The following MCTP2 variants were observed in gnomAD, a reference collection of about 807,000 sequenced individuals.
The protein encoded by MCTP2 is multiple C2 and transmembrane domain-containing protein 2.
A neutral mutation model predicts 111.6 loss-of-function variants in MCTP2; 132 were observed. That is an observed-to-expected ratio of 1.18 (90% CI 1.03 to 1.37). MCTP2 has a LOEUF of 1.37. Among genes scored for constraint, MCTP2 ranks in the 40% most tolerant of loss-of-function variants. MCTP2 has a pLI of 0.00. For missense variants in MCTP2, 1,183 were observed against 1,067.9 expected (o/e 1.11, Z -1.50); for synonymous variants, 395 against 387.7 (o/e 1.02, Z -0.22).
intron 20 of MCTP2, among the ~76,000 whole-genome samples, chr15:94,466,712 G>A (rs940931433): frequency 2.0e-5 from 3 of 152,156 alleles, no homozygotes; most frequent in African/African-American, 4.8e-5. Flanking sequence ...GAAAATATTA[G>A]AGTGAAAATT....
At chr15:94,351,961 A>G (rs991901081) in intron 8 of MCTP2, among the ~76,000 whole-genome samples, 1 of 152,158 alleles carries the variant, frequency 6.6e-6, no homozygotes, top group Non-Finnish European at 1.5e-5. Context: ...TCGGACAGAT[A>G]AGAGGCACCA....
At chr15:94,407,771 TTG>T (rs1292768781) in intron 17 of MCTP2, among the ~76,000 whole-genome samples, 2 of 126,258 alleles carry the variant, frequency 1.6e-5, no homozygotes, top group East Asian at 2.4e-4. Flanking sequence ...ACACATGTAC[TTG>T]TGCACACACA....
chr15:94,403,376 C>G (rs1475896086), intron 17 of MCTP2: 2 of 354,892 alleles, frequency 5.6e-6, no homozygotes, highest in Admixed American at 6.5e-5. Flanking sequence ...ACTTCCCACC[C>G]GAATTCCCTT....
intron 1 of MCTP2, among the ~76,000 whole-genome samples, chr15:94,246,854 T>C (rs933615761): frequency 6.6e-6 from 1 of 152,198 alleles, no homozygotes; most frequent in East Asian, 1.9e-4. Flanking sequence ...TAAAAGATGA[T>C]GGTTTTAATA....
In MCTP2 at chr15:94,483,541, A is replaced by G. The variant is rs532924447; in HGVS notation, c.*4507A>G. 2 of 152,374 alleles carry G rather than the reference A, an allele frequency of 1.3e-5. No homozygotes were observed. The highest frequency in any genetic ancestry group is 4.1e-4 in the South Asian group (2 of 4,832). The allele number at this position is 152,374 out of a possible 1,614,324, so 9.4% of individuals were successfully genotyped here. On this transcript the variant is annotated 3_prime_UTR_variant, in exon 23 of 23. Transcript: ENST00000357742. ...TGCAGCCATAAAAAAGAATGAGATC[A>G]TGTCCTTTTGCAGGAACTTGGATAC...
Position 94,476,850 on chromosome 15 carries a change from C to T in MCTP2, c.2568+57C>T, listed in dbSNP as rs939609454. 1.1e-5 allele frequency: 11 copies of T among 1,005,156 alleles called. No individual in the cohort carries two copies. In the Admixed American group the frequency reaches 1.1e-4, roughly 10 times the overall value. The allele number at this position is 1,005,156 out of a possible 1,614,324, so 62.3% of individuals were successfully genotyped here. On this transcript the variant is annotated intron_variant, in intron 22 of 22. Transcript: ENST00000357742. ...CCCCAACCTGAAATCTGGCCAGCCC[C>T]GGAGCCAGAGGAACACAAGGCTTTG...
intron 20 of MCTP2, among the ~76,000 whole-genome samples, chr15:94,464,300 TTCTCA>T (rs2085460050): frequency 1.1e-5 from 1 of 94,188 alleles, no homozygotes; most frequent in African/African-American, 4.6e-5. Context: ...ATTCTATTAT[TTCTCA>T]TCTCTGTTTC....
intron 12 of MCTP2, 34 bp downstream of exon 12, chr15:94,370,214 A>C: frequency 6.5e-7 from 1 of 1,539,268 alleles, no homozygotes; most frequent in Non-Finnish European, 8.9e-7. Context: ...ATTTATCTTT[A>C]TTTATTTCCT....
chr15:94,373,079 C>G (rs936739084), intron 12 of MCTP2, among the ~76,000 whole-genome samples: 8 of 152,184 alleles, frequency 5.3e-5, no homozygotes, highest in Admixed American at 2.0e-4. Flanking sequence ...ACCACACATC[C>G]TGGAGGAGGA....
At chr15:94,424,380 C>T (rs1313981560) in intron 17 of MCTP2, among the ~76,000 whole-genome samples, 5 of 151,724 alleles carry the variant, frequency 3.3e-5, no homozygotes, top group East Asian at 1.9e-4. Flanking sequence ...ACCTGGTGGA[C>T]GCGTGTAAGA....
chr15:94,271,576 T>G (rs1300624196), intron 1 of MCTP2, among the ~76,000 whole-genome samples: 2 of 152,220 alleles, frequency 1.3e-5, no homozygotes, highest in Non-Finnish European at 2.9e-5. Flanking sequence ...GGGGACATGC[T>G]TTGAATGATT....
chr15:94,382,259 A>G (rs1048663732), intron 12 of MCTP2, among the ~76,000 whole-genome samples: 4 of 152,240 alleles, frequency 2.6e-5, no homozygotes, highest in Admixed American at 6.5e-5. Flanking sequence ...TCTTTGGTTT[A>G]TAGTGATATT....
chr15:94,243,504 T>C (rs1208139688), intron 1 of MCTP2, among the ~76,000 whole-genome samples: 1 of 139,470 alleles, frequency 7.2e-6, no homozygotes, highest in East Asian at 2.1e-4. Flanking sequence ...CGTACATATG[T>C]ATGCGTATAT....
intron 4 of MCTP2, among the ~76,000 whole-genome samples, chr15:94,319,001 C>T (rs1375670384): frequency 1.3e-5 from 2 of 151,258 alleles, no homozygotes; most frequent in Non-Finnish European, 2.9e-5. Flanking sequence ...CTGTTTCAGT[C>T]CCCATTTCTT....
chr15:94,239,127 G>A (rs913581327), intron 1 of MCTP2, among the ~76,000 whole-genome samples: 21 of 152,136 alleles, frequency 1.4e-4, no homozygotes, highest in African/African-American at 4.8e-4. Flanking sequence ...GGTGGTGGTT[G>A]GGGAACTACT....
chr15:94,339,871 C>T (rs1288375674), intron 5 of MCTP2, among the ~76,000 whole-genome samples: 3 of 152,180 alleles, frequency 2.0e-5, no homozygotes, highest in Non-Finnish European at 2.9e-5. Context: ...GGCAGATCTG[C>T]TCACTGTGGA....
chr15:94,411,925 T>A (rs2082170559), intron 17 of MCTP2, among the ~76,000 whole-genome samples: 1 of 152,172 alleles, frequency 6.6e-6, no homozygotes. Context: ...CCAAGCTCTT[T>A]AAAATTTCTG....
At chr15:94,235,471 G>A (rs760746880) in intron 1 of MCTP2, among the ~76,000 whole-genome samples, 17 of 152,080 alleles carry the variant, frequency 1.1e-4, no homozygotes, top group Non-Finnish European at 2.2e-4. Flanking sequence ...AAAACCACTG[G>A]TCTTAATATT....
chr15:94,351,292 C>G (rs1253876627), intron 8 of MCTP2, among the ~76,000 whole-genome samples: 1 of 152,102 alleles, frequency 6.6e-6, no homozygotes, highest in Non-Finnish European at 1.5e-5. Context: ...AAGAATTTTC[C>G]CTGGGAGCCT....
Sources: allele counts gnomAD v4.1 joint callset (sites outside exome capture counted in the v4.1 genomes callset), GRCh38; gene constraint gnomAD v4.1.1; transcripts MANE v1.5; gene names NCBI Gene and HGNC (gene_info 2026-07-23, HGNC 2026-07-21).